The following ITGB5 variants were observed in gnomAD, a reference collection of about 807,000 sequenced individuals.
ITGB5 encodes the protein integrin subunit beta 5.
ITGB5 carries 38 observed loss-of-function variants against 84.8 expected under a neutral mutation model. The ratio of observed to expected loss-of-function variants is 0.45; its 90% confidence interval spans 0.35 to 0.59. The LOEUF (loss-of-function observed/expected upper bound fraction) is 0.59, where lower values mean the gene tolerates loss of function less well. ITGB5 is among the 20% of genes least tolerant of loss of function. ITGB5 has a pLI of 0.01. For synonymous variants in ITGB5, 393 were observed against 414.4 expected (o/e 0.95, Z 0.63); for missense variants, 905 against 1,034.5 (o/e 0.87, Z 1.72).
intron 7 of ITGB5, among the ~76,000 whole-genome samples, chr3:124,818,172 T>C (rs919439247): frequency 6.6e-6 from 1 of 152,136 alleles, no homozygotes; most frequent in African/African-American, 2.4e-5. Context: ...ATAGACCCTT[T>C]CTTTAATAGG....
At chr3:124,783,409 T>C (rs7647726) in intron 10 of ITGB5, among the ~76,000 whole-genome samples, 6,726 of 152,114 alleles carry the variant, frequency 0.044, 489 homozygotes, top group African/African-American at 0.15. Flanking sequence ...GGCACACTGA[T>C]GGACTTGTTT....
intron 10 of ITGB5, among the ~76,000 whole-genome samples, chr3:124,794,384 C>T (rs2064190771): frequency 6.6e-6 from 1 of 152,182 alleles, no homozygotes; most frequent in Non-Finnish European, 1.5e-5. Context: ...AAGTACCTCT[C>T]CTTCTGAACC....
intron 2 of ITGB5, among the ~76,000 whole-genome samples, chr3:124,872,907 T>C (rs1934126677): frequency 6.6e-6 from 1 of 152,158 alleles, no homozygotes; most frequent in Admixed American, 6.5e-5. Context: ...ACCCAGCCCA[T>C]ATTGCTTTAT....
intron 8 of ITGB5, 142 bp from the exon 9 acceptor site, chr3:124,809,298 C>T: frequency 1.3e-6 from 1 of 762,254 alleles, no homozygotes; most frequent in South Asian, 1.7e-5. Context: ...GCTTGGTTCC[C>T]TGGCCCTCCC....
intron 10 of ITGB5, among the ~76,000 whole-genome samples, chr3:124,781,616 G>C (rs1416334928): frequency 6.6e-6 from 1 of 152,180 alleles, no homozygotes; most frequent in Non-Finnish European, 1.5e-5. Flanking sequence ...CAAGAGAGAA[G>C]TTGCTCTTGA....
rs980260895 is a variant in ITGB5 at position 124,773,553 on chromosome 3, G to A, written c.1916+137C>T. On this transcript the variant is annotated intron_variant, in intron 11 of 14. Coordinates refer to ENST00000296181, the MANE Select transcript of ITGB5 (RefSeq NM_002213.5). ...TTTCAGTTACGGTTGGTAAGAATGC[G>A]GCTCCCCAGCGAGGCTTGCTGGGTG... 17 of 693,652 alleles carry A rather than the reference G, an allele frequency of 2.5e-5. No homozygotes were observed. In the Admixed American group the frequency reaches 2.8e-4, roughly 11 times the overall value. 43.0% of individuals were successfully genotyped at this position (693,652 alleles called of 1,614,324 possible).
chr3:124,846,723 CA>C (rs1165761031), intron 4 of ITGB5, among the ~76,000 whole-genome samples: 1 of 152,114 alleles, frequency 6.6e-6, no homozygotes, highest in Non-Finnish European at 1.5e-5. Flanking sequence ...CGCTTGACGT[CA>C]GGAGTTCAAG....
intron 8 of ITGB5, among the ~76,000 whole-genome samples, 157 bp downstream of exon 8, chr3:124,817,464 G>A (rs2064621103): frequency 6.6e-6 from 1 of 152,154 alleles, no homozygotes; most frequent in Non-Finnish European, 1.5e-5. Flanking sequence ...CTGACCCTGA[G>A]TGAAGCAGGA....
chr3:124,880,617 T>A (rs928150423), intron 1 of ITGB5, among the ~76,000 whole-genome samples: 1 of 151,894 alleles, frequency 6.6e-6, no homozygotes, highest in African/African-American at 2.4e-5. Context: ...CTGTCTTTTT[T>A]TAAAAAATAA....
intron 3 of ITGB5, among the ~76,000 whole-genome samples, chr3:124,852,555 T>C (rs555976348): frequency 6.6e-6 from 1 of 152,224 alleles, no homozygotes; most frequent in Admixed American, 6.5e-5. Context: ...CAACTAGCAT[T>C]CTATCTGAAA....
intron 10 of ITGB5, among the ~76,000 whole-genome samples, chr3:124,782,440 A>G (rs1403948940): frequency 1.3e-5 from 2 of 152,256 alleles, no homozygotes; most frequent in Non-Finnish European, 2.9e-5. Flanking sequence ...TATCAAGACA[A>G]GGTCACTGGG....
chr3:124,859,279 C>T lies in ITGB5; in HGVS notation c.324G>A (p.Gln108=). ...GSGSAGWDVI[Q]MTPQEIAVNL... ...TCACGGCAATCTCCTGTGGTGTCAT[C>T]TGAATGACGTCCCAGCCTGCAGAGC... The change falls in exon 3 of 15, where the codon CAG becomes CAA. Residue 108 remains glutamine (Q), a synonymous_variant. Transcript: ENST00000296181. 2.5e-6 allele frequency: 4 copies of T among 1,614,156 alleles called. No individual in the cohort carries two copies. Among genetic ancestry groups the T allele is most frequent in the Non-Finnish European group, 3.4e-6 (4 of 1,180,032 alleles).
rs1011609989 is a variant in ITGB5, at chr3:124,894,903, A to G, written c.-255+6363T>C. Among the ~76,000 whole-genome samples, 3 of 151,834 alleles carry G rather than the reference A, an allele frequency of 2.0e-5. No homozygotes were observed. The South Asian group carries it at 6.2e-4, about 32-fold the overall frequency. On this transcript the variant is annotated intron_variant, in intron 1 of 4. Transcript: ENST00000608657. ...CCACACATAAAATACACTAATACGA[A>G]CGATAGCTGATGAGCTTAAAAAAAA...
chr3:124,886,830 C>A, intron 1 of ITGB5, 101 bp downstream of exon 1: 2 of 691,634 alleles, frequency 2.9e-6, no homozygotes, highest in Non-Finnish European at 3.9e-6. Flanking sequence ...AGGCGCCCTC[C>A]GCCCTCAGGC....
chr3:124,768,944 G>A (rs2063803375), intron 12 of ITGB5, 69 bp downstream of exon 12: 4 of 1,283,470 alleles, frequency 3.1e-6, no homozygotes, highest in South Asian at 1.2e-5. Flanking sequence ...CCTGACTCAA[G>A]GCTAAAACTA....
intron 9 of ITGB5, 47 bp from the exon 10 acceptor site, chr3:124,796,864 G>A (rs751457869): frequency 1.9e-6 from 3 of 1,541,178 alleles, no homozygotes; most frequent in African/African-American, 2.7e-5. Flanking sequence ...GCAAGCCAGG[G>A]TCTCCCATTC....
Position 124,850,032 on chromosome 3 carries a change from T to G in ITGB5, c.362-1474A>C, listed in dbSNP as rs1272552665. ...ACAACAGCAAAGGTGGCCTCACTCC[T>G]GCCCAGCGGGTCTACACCTGACTTG... On this transcript the variant is annotated intron_variant, in intron 3 of 14. Transcript: ENST00000296181. 3.9e-5 allele frequency among the ~76,000 whole-genome samples: 6 copies of G among 152,202 alleles called. No individual in the cohort carries two copies. In the East Asian group the frequency reaches 1.2e-3, roughly 29 times the overall value.
At chr3:124,784,772 T>A (rs1315689851) in intron 10 of ITGB5, among the ~76,000 whole-genome samples, 1 of 152,206 alleles carries the variant, frequency 6.6e-6, no homozygotes, top group Admixed American at 6.5e-5. Context: ...ACCTGCCCAA[T>A]CCGCCTGGCA....
rs554948186 is a variant in ITGB5, at chr3:124,878,972, T to C, written c.71-5441A>G. 5.3e-5 allele frequency among the ~76,000 whole-genome samples: 8 copies of C among 152,272 alleles called. No individual in the cohort carries two copies. In the East Asian group the frequency reaches 1.5e-3, roughly 29 times the overall value. ...GCTCGGTGGCAACTCCATGTATCTC[T>C]TTTGCCTCACGTCTCTGAAGCCCAG... On this transcript the variant is annotated intron_variant, in intron 1 of 14. Coordinates refer to ENST00000296181, the MANE Select transcript of ITGB5 (RefSeq NM_002213.5).
Sources: gnomAD v4.1 joint callset for allele counts (sites outside exome capture counted in the v4.1 genomes callset) on GRCh38, gnomAD v4.1.1 for gene constraint, MANE v1.5 for transcripts, NCBI Gene and HGNC (gene_info 2026-07-23, HGNC 2026-07-21) for gene names.